The following CAPN14 variants were observed in gnomAD, a reference collection of about 807,000 sequenced individuals.
CAPN14 encodes calpain 14.
CAPN14 carries 94 observed loss-of-function variants against 101.3 expected under a neutral mutation model. The ratio of observed to expected loss-of-function variants is 0.93; its 90% confidence interval spans 0.79 to 1.10. CAPN14 has a LOEUF of 1.10. Ranked by LOEUF, CAPN14 falls within the 50% of genes least tolerant of loss-of-function variation. The pLI is 0.00. For missense variants in CAPN14, 837 were observed against 828.4 expected, an observed-to-expected ratio of 1.01 and a Z score of -0.13; for synonymous variants, 338 against 317.9, an observed-to-expected ratio of 1.06 and a Z score of -0.67.
rs527267456 is a variant in CAPN14, at chr2:31,201,281, T to G, written c.551+581A>C. Among the ~76,000 whole-genome samples the G allele has an allele frequency of 1.2e-4, 18 of 152,230 alleles. No homozygotes were observed. In the South Asian group the frequency reaches 3.7e-3, roughly 32 times the overall value. On this transcript the variant is annotated intron_variant, in intron 5 of 21. Coordinates refer to ENST00000403897, the MANE Select transcript of CAPN14 (RefSeq NM_001145122.2). ...TGCGTGTGTGTGTGCACTCCATACA[T>G]GCCAAGTACCCTCTAGGGTCTGTAG...
At chr2:31,229,874 G>A (rs555537859) in intron 1 of CAPN14, among the ~76,000 whole-genome samples, 107 of 152,042 alleles carry the variant, frequency 7.0e-4, no homozygotes, top group Non-Finnish European at 1.2e-3. Flanking sequence ...ATGCATCCAT[G>A]AACAACAGAT....
At chr2:31,207,772 G>A (rs75011720) in intron 1 of CAPN14, among the ~76,000 whole-genome samples, 6,477 of 152,160 alleles carry the variant, frequency 0.043, 148 homozygotes, top group African/African-American at 0.056. Context: ...TCTCAAAAAA[G>A]AAGTTAGATT....
intron 16 of CAPN14, among the ~76,000 whole-genome samples, chr2:31,185,095 A>T (rs1365296366): frequency 6.6e-6 from 1 of 152,202 alleles, no homozygotes; most frequent in East Asian, 1.9e-4. Context: ...TATCTATTAT[A>T]TTAATGATTT....
rs1374853924 is a variant in CAPN14, at chr2:31,205,518, G to C, written c.-52-19C>G. The stretch of plus-strand genomic sequence containing the variant: ...GCTGCTCCTGAAATGGAGAGAGGAC[G>C]GTCAGTTTCCTCACTTCCTCCTTGT... On this transcript the variant is annotated intron_variant, in intron 1 of 21. Transcript: ENST00000403897. 7.9e-7 allele frequency: 1 copy of C among 1,265,518 alleles called. No homozygotes were observed. The highest frequency in any genetic ancestry group is 1.1e-6 in the Non-Finnish European group (1 of 889,524). 78.4% of individuals were successfully genotyped at this position (1,265,518 alleles called of 1,614,324 possible).
chr2:31,181,063 G>T, intron 16 of CAPN14, 63 bp from the exon 17 acceptor site: 2 of 1,341,802 alleles, frequency 1.5e-6, no homozygotes, highest in Non-Finnish European at 2.1e-6. Flanking sequence ...CCTTTTCTGA[G>T]CAGGAAGAGG....
rs374988264 is a variant in CAPN14, at chr2:31,191,959, G to A, written c.1254C>T (p.Leu418=). The A allele has an allele frequency of 9.3e-5, 145 of 1,551,198 alleles. No homozygotes were observed. The highest frequency in any genetic ancestry group is 5.0e-4 in the Middle Eastern group (3 of 6,008). ...CCCTATACAGGTAGAAGCCAATGGC[G>A]AGGAGAGGCTTCCGCTTGCGGCACC... The part of the protein sequence containing the change: ...RHRCRKRKPL[L]AIGFYLYRMN... Residue 418 remains leucine (L), a synonymous_variant, in exon 11 of 22, where the codon CTC becomes CTT. Coordinates refer to ENST00000403897, the MANE Select transcript of CAPN14 (RefSeq NM_001145122.2).
chr2:31,178,449 C>A, intron 18 of CAPN14, 62 bp downstream of exon 18: 1 of 1,280,612 alleles, frequency 7.8e-7, no homozygotes, highest in Non-Finnish European at 1.1e-6. Flanking sequence ...TCTTCTACAG[C>A]TTTGCAGAAC....
At chr2:31,211,734 A>T (rs926470677) in intron 1 of CAPN14, among the ~76,000 whole-genome samples, 1 of 152,084 alleles carries the variant, frequency 6.6e-6, no homozygotes, top group South Asian at 2.1e-4. Context: ...TAAGAATATG[A>T]ACTATCTCTG....
chr2:31,215,541 G>C (rs534484705), intron 1 of CAPN14, among the ~76,000 whole-genome samples: 2 of 152,180 alleles, frequency 1.3e-5, no homozygotes, highest in Admixed American at 1.3e-4. Context: ...GCTTCCTCCT[G>C]ACCCCCTCTA....
upstream of CAPN14, among the ~76,000 whole-genome samples, chr2:31,221,549 T>C (rs113247086): frequency 7.3e-6 from 1 of 136,170 alleles, no homozygotes; most frequent in African/African-American, 3.5e-5. Flanking sequence ...TGGGGTTTGG[T>C]TTTTTTTTGG....
chr2:31,223,111 T>C (rs1682908374), intron 2 of CAPN14, among the ~76,000 whole-genome samples: 1 of 152,200 alleles, frequency 6.6e-6, no homozygotes, highest in Non-Finnish European at 1.5e-5. Context: ...TAAATGTCTA[T>C]TGTTTATAAG....
At chr2:31,194,347 G>T in intron 9 of CAPN14, 62 bp downstream of exon 9, 1 of 1,286,680 alleles carries the variant, frequency 7.8e-7, no homozygotes, top group Non-Finnish European at 1.1e-6. Context: ...TCCAATAAAT[G>T]TCTGCTGGAT....
intron 12 of CAPN14, among the ~76,000 whole-genome samples, chr2:31,190,692 G>C (rs963869643): frequency 1.4e-4 from 22 of 152,328 alleles, no homozygotes; most frequent in African/African-American, 5.1e-4. Flanking sequence ...GCAAATTTGA[G>C]AGTGTTCAGT....
At chr2:31,211,978 C>T (rs1355830313) in intron 1 of CAPN14, among the ~76,000 whole-genome samples, 1 of 152,048 alleles carries the variant, frequency 6.6e-6, no homozygotes, top group African/African-American at 2.4e-5. Flanking sequence ...GTGGTGGTTG[C>T]ATCTGTATAT....
intron 5 of CAPN14, among the ~76,000 whole-genome samples, chr2:31,201,230 C>T (rs183872218): frequency 1.2e-3 from 183 of 150,116 alleles, no homozygotes; most frequent in South Asian, 2.3e-3. Flanking sequence ...TCTGTGTTTG[C>T]GTGTGTGTGT....
chr2:31,222,130 C>T (rs1682878538), upstream of CAPN14, among the ~76,000 whole-genome samples: 1 of 152,188 alleles, frequency 6.6e-6, no homozygotes, highest in African/African-American at 2.4e-5. Context: ...TTCAATAGAA[C>T]ATGGAAGAGA....
At chr2:31,191,258 G>A (rs1279297698) in intron 12 of CAPN14, 141 bp downstream of exon 12, 17 of 806,292 alleles carry the variant, frequency 2.1e-5, no homozygotes, top group South Asian at 3.6e-5. Flanking sequence ...CACAGGCAGC[G>A]GGCAGACATT....
chr2:31,177,889 G>GC (rs890045209), intron 18 of CAPN14, 68 bp from the exon 19 acceptor site: 1 of 1,166,070 alleles, frequency 8.6e-7, no homozygotes. Flanking sequence ...AGCCCTGTGT[G>GC]CCCCTTGTCA....
chr2:31,228,836 A>G (rs189903610), intron 1 of CAPN14, among the ~76,000 whole-genome samples: 1 of 152,158 alleles, frequency 6.6e-6, no homozygotes, highest in Non-Finnish European at 1.5e-5. Context: ...ACTTTCCCCA[A>G]GCTCACACAG....
Sources: allele counts gnomAD v4.1 joint callset (sites outside exome capture counted in the v4.1 genomes callset), GRCh38; gene constraint gnomAD v4.1.1; transcripts MANE v1.5; gene names NCBI Gene and HGNC (gene_info 2026-07-23, HGNC 2026-07-21).